The following ZNF841 variants were observed in gnomAD, a reference collection of about 807,000 sequenced individuals.
ZNF841 encodes the protein TCONS_00006091.
Under a neutral mutation model 13.0 loss-of-function variants are expected in ZNF841, and 11 were observed. The ratio of observed to expected loss-of-function variants is 0.85; its 90% CI spans 0.53 to 1.40. The LOEUF (loss-of-function observed/expected upper bound fraction) is 1.40, where lower values mean the gene tolerates loss of function less well. ZNF841 is among the 40% of genes most tolerant of loss of function. ZNF841 has a pLI of 0.00. For synonymous variants in ZNF841, 369 were observed against 381.6 expected (o/e 0.97, Z 0.38); for missense variants, 1,068 against 1,139.5 (o/e 0.94, Z 0.90).
downstream of ZNF841, among the ~76,000 whole-genome samples, chr19:52,060,234 C>A (rs555892707): frequency 7.2e-5 from 11 of 152,324 alleles, no homozygotes; most frequent in East Asian, 2.1e-3. Flanking sequence ...CTACTGGTAA[C>A]ATATTCTGGT....
At chr19:52,091,175 T>TA (rs201500863) in intron 2 of ZNF841, among the ~76,000 whole-genome samples, 3,137 of 151,992 alleles carry the variant, frequency 0.021, 56 homozygotes, top group Admixed American at 0.024. Flanking sequence ...CAACAAAGGA[T>TA]AAAAAAAACA....
chr19:52,065,527 A>G lies in ZNF841; in HGVS notation c.2355T>C (p.Ser785=), dbSNP rs1383297647. ...TGTAAGGTTTCTCTCCAGTATGAATACTCCAATGACGTGCGAGGCCTGAGC... is the reference window on the plus strand; with the variant it reads ...TGTAAGGTTTCTCTCCAGTATGAATGCTCCAATGACGTGCGAGGCCTGAGC... ...RYRSGLARHW[S]IHTGEKPYKC... is the part of the protein sequence containing the mutation. The change falls in exon 7 of 7, where the codon AGT becomes AGC. Residue 785 remains serine (S), a synonymous_variant. Transcript: ENST00000594440. 2 of 1,608,484 alleles carry G rather than the reference A, an allele frequency of 1.2e-6. No homozygotes were observed. The highest frequency in any genetic ancestry group is 3.4e-5 in the Admixed American group (2 of 59,438).
At chr19:52,072,932 C>A (rs7507236) in intron 6 of ZNF841, among the ~76,000 whole-genome samples, 2,910 of 152,170 alleles carry the variant, frequency 0.019, 85 homozygotes, top group African/African-American at 0.066. Context: ...GAAAATAGAA[C>A]ATACCAAAAC....
Position 52,067,244 on chromosome 19 carries a change from G to A in ZNF841, c.638C>T (p.Thr213Ile). 3 of 1,550,942 alleles carry A rather than the reference G, an allele frequency of 1.9e-6. No homozygotes were observed. Among genetic ancestry groups the A allele is most frequent in the African/African-American group, 1.4e-5 (1 of 73,086 alleles). Residue 213 changes from threonine to isoleucine, a missense_variant, in exon 7 of 7, where the codon ACA becomes ATA. Thr to Ile is a moderately conservative substitution (Grantham distance 89). Transcript: ENST00000594440. ...KIYGCNQIERTVNNCFLASPL... is the reference protein window; with the variant it reads ...KIYGCNQIERIVNNCFLASPL... ...TGAAGCTAAAAAACAATTATTAACT[G>A]TCCTCTCAATTTGATTACATCCATA...
intron 5 of ZNF841, chr19:52,076,398 C>T (rs955425137): frequency 1.1e-5 from 5 of 472,160 alleles, no homozygotes. Context: ...CATACTGGCT[C>T]AAGCCTGTAA....
rs1000174767 is a variant in ZNF841 at position 52,076,977 on chromosome 19, G to A, written c.123C>T (p.Tyr41=). ...ALYRDVMLEN[Y]RNLGFLGLCL... ...CCTCACCCAGGAAGCCGAGGTTCCTGTAGTTCTCCAACATCACGTCCCTGT... is the reference window on the plus strand; with the variant it reads ...CCTCACCCAGGAAGCCGAGGTTCCTATAGTTCTCCAACATCACGTCCCTGT... Residue 41 remains tyrosine, a synonymous_variant, in exon 5 of 7, where the codon TAC becomes TAT. Coordinates refer to ENST00000594440, the MANE Select transcript of ZNF841 (RefSeq NM_001136499.2). 1.2e-6 allele frequency: 2 copies of A among 1,612,984 alleles called. No homozygotes were observed. The highest frequency in any genetic ancestry group is 2.7e-5 in the African/African-American group (2 of 74,900).
In ZNF841 at chr19:52,067,679, C is replaced by T. The variant is rs183034719; in HGVS notation, c.272-69G>A. On this transcript the variant is annotated intron_variant, in intron 6 of 6. Transcript: ENST00000594440. ...GGTAAATATTATTTTATACTGAAAA[C>T]ACACTACGCTAAACATAATGTTTAT... is the stretch of plus-strand genomic sequence containing the variant. The T allele has an allele frequency of 2.1e-4, 236 of 1,129,496 alleles. 1 individual carries two copies. The highest frequency in any genetic ancestry group is 1.9e-3 in the African/African-American group (119 of 61,756). 70.0% of individuals were successfully genotyped at this position (1,129,496 alleles called of 1,614,324 possible). A position where few individuals can be genotyped will look rare whatever the true frequency, so the allele number is the denominator to read the frequency against.
chr19:52,064,135 G>C (rs1047494882), downstream of ZNF841, among the ~76,000 whole-genome samples: 5 of 151,472 alleles, frequency 3.3e-5, no homozygotes, highest in African/African-American at 1.2e-4. Flanking sequence ...ATGAGGTCAG[G>C]AGATCGAGAC....
intron 2 of ZNF841, among the ~76,000 whole-genome samples, chr19:52,093,186 T>C (rs2088562719): frequency 6.6e-6 from 1 of 152,144 alleles, no homozygotes; most frequent in Non-Finnish European, 1.5e-5. Context: ...ACAGCCAAGA[T>C]ATGGAAACAA....
rs1568536800 is a variant in ZNF841 at position 52,067,489 on chromosome 19, G to A, written c.393C>T (p.Phe131=). Reference sequence around the variant, plus strand: ...CCTGTAGATTTTTCCGGATTTCCCTGAAGTAAAAATTTTCAGTGTCATAGC... The same window carrying A: ...CCTGTAGATTTTTCCGGATTTCCCTAAAGTAAAAATTTTCAGTGTCATAGC... ...HESYDTENFY[F]REIRKNLQEV... Residue 131 remains phenylalanine, a synonymous_variant, in exon 7 of 7, where the codon TTC becomes TTT. Coordinates refer to ENST00000594440, the MANE Select transcript of ZNF841 (RefSeq NM_001136499.2). 5.1e-6 allele frequency: 8 copies of A among 1,572,052 alleles called. No homozygotes were observed. The highest frequency in any genetic ancestry group is 2.3e-5 in the East Asian group (1 of 43,022).
At chr19:52,095,110 T>A (rs550882895) in intron 1 of ZNF841, among the ~76,000 whole-genome samples, 1 of 152,220 alleles carries the variant, frequency 6.6e-6, no homozygotes, top group Admixed American at 6.5e-5. Context: ...AAGAGCACAT[T>A]TTCCAGTGGA....
At chr19:52,068,357 T>TATATAAAATATAAAGAATAAAATATAA (rs1405839914) in intron 6 of ZNF841, among the ~76,000 whole-genome samples, 8 of 151,872 alleles carry the variant, frequency 5.3e-5, no homozygotes, top group Admixed American at 5.2e-4. Context: ...GAAAGGTAAA[T>TATATAAAATATAAAGAATAAAATATAA]ATATAAAATA....
Position 52,066,432 on chromosome 19 carries a change from G to A in ZNF841, c.1450C>T (p.Pro484Ser), listed in dbSNP as rs1019299802. 1.9e-6 allele frequency: 3 copies of A among 1,614,036 alleles called. No homozygotes were observed. Among genetic ancestry groups the A allele is most frequent in the East Asian group, 2.2e-5 (1 of 44,858 alleles). Residue 484 changes from proline (P) to serine (S), a missense_variant, in exon 7 of 7, where the codon CCC (proline) becomes TCC (serine). Physicochemically the swap from Pro to Ser is moderately conservative, Grantham distance 74. Transcript: ENST00000594440. ...TTGCCACATTCATTACATTTGTAGG[G>A]TTTCTCTCCAGTATGAATTCTCCGG... ...GHRRIHTGEK[P>S]YKCNECGKVF...
Position 52,065,712 on chromosome 19 carries a change from GACTTGTTTTATGACTAAA to G in ZNF841, c.2152_2169del (p.Phe718_Ser723del), listed in dbSNP as rs1273540920. ...GTATGTCTTCTCTGATGGTACACCA[GACTTGTTTTATGACTAAA>G]AGTTCTACCACATTCACTACATTTG... On this transcript the variant is annotated inframe_deletion, in exon 7 of 7. Coordinates refer to ENST00000594440, the MANE Select transcript of ZNF841 (RefSeq NM_001136499.2). The G allele has an allele frequency of 5.6e-6, 9 of 1,604,038 alleles. No homozygotes were observed. The South Asian group carries it at 8.9e-5, about 16-fold the overall frequency.
At chr19:52,075,989 T>C in intron 6 of ZNF841, 55 bp downstream of exon 6, 1 of 1,543,696 alleles carries the variant, frequency 6.5e-7, no homozygotes, top group East Asian at 2.5e-5. Flanking sequence ...ACTTGCAGAG[T>C]CTTACGCACA....
At chr19:52,059,347 C>CT in the ZNF841 span, among the ~76,000 whole-genome samples, 2 of 42,104 alleles carry the variant, frequency 4.8e-5, no homozygotes, top group African/African-American at 4.5e-4. Context: ...GAGACTCTGT[C>CT]TAAAAAAAAA....
At chr19:52,078,337 A>G (rs1343910979) in intron 4 of ZNF841, among the ~76,000 whole-genome samples, 1 of 152,116 alleles carries the variant, frequency 6.6e-6, no homozygotes, top group Non-Finnish European at 1.5e-5. Context: ...GCACACACAT[A>G]ATACATTACT....
downstream of ZNF841, among the ~76,000 whole-genome samples, chr19:52,061,202 C>G (rs2087390634): frequency 6.6e-6 from 1 of 152,182 alleles, no homozygotes; most frequent in South Asian, 2.1e-4. Flanking sequence ...AACTCTCCAC[C>G]TATTCCACCT....
intron 6 of ZNF841, among the ~76,000 whole-genome samples, chr19:52,070,131 G>GT (rs2087698184): frequency 1.3e-5 from 2 of 152,156 alleles, no homozygotes. Context: ...GATCAAACAT[G>GT]TTTTTTAAAA....
Sources: gnomAD v4.1 joint callset for allele counts (sites outside exome capture counted in the v4.1 genomes callset) on GRCh38, gnomAD v4.1.1 for gene constraint, MANE v1.5 for transcripts, NCBI Gene and HGNC (gene_info 2026-07-23, HGNC 2026-07-21) for gene names.